The following SNX29 variants were observed in gnomAD, a reference collection of about 807,000 sequenced individuals.
SNX29 encodes sorting nexin-29.
Under a neutral mutation model 102.1 loss-of-function variants are expected in SNX29, and 78 were observed. The observed-to-expected ratio is 0.76, with a 90% CI of 0.64 to 0.92. The LOEUF is 0.92. Ranked by LOEUF, SNX29 falls within the 40% of genes least tolerant of loss-of-function variation. SNX29 has a pLI of 0.00. For missense variants in SNX29, 1,280 were observed against 1,061.7 expected (o/e 1.21, Z -2.86); for synonymous variants, 580 against 414.5 (o/e 1.40, Z -4.85).
At chr16:12,493,830 G>C (rs994994950) in intron 19 of SNX29, among the ~76,000 whole-genome samples, 1 of 152,194 alleles carries the variant, frequency 6.6e-6, no homozygotes, top group Non-Finnish European at 1.5e-5. Flanking sequence ...GACCTCAGAT[G>C]ATCCACCCGC....
At position 12,322,977 on chromosome 16, in the gene SNX29, C is replaced by T. The variant is rs111954179; in HGVS notation, c.1783-33186C>T. 3.4e-3 allele frequency among the ~76,000 whole-genome samples: 221 copies of T among 65,104 alleles called. 1 individual carries two copies. Among genetic ancestry groups the T allele is most frequent in the African/African-American group, 0.013 (108 of 8,140 alleles). The allele number at this position is 65,104 out of a possible 152,430, so 42.7% of individuals were successfully genotyped here. On this transcript the variant is annotated intron_variant, in intron 15 of 20. Coordinates refer to ENST00000566228, the MANE Select transcript of SNX29 (RefSeq NM_032167.5). ...GTCACCGGGGACCACTGTCAGGATG[C>T]GGTCACTGGAGTCACCGGGGACCAC...
intron 1 of SNX29, among the ~76,000 whole-genome samples, chr16:11,997,891 G>C (rs2056144398): frequency 1.3e-5 from 2 of 152,114 alleles, no homozygotes; most frequent in Non-Finnish European, 2.9e-5. Flanking sequence ...ATAAGTCCTG[G>C]GTGGATCAAC....
chr16:12,169,003 A>C (rs1431517996), intron 13 of SNX29, among the ~76,000 whole-genome samples: 1 of 152,178 alleles, frequency 6.6e-6, no homozygotes, highest in African/African-American at 2.4e-5. Context: ...GTTTTCCGTC[A>C]CAGCTGAAGG....
intron 20 of SNX29, among the ~76,000 whole-genome samples, chr16:12,553,620 T>G (rs34102191): frequency 7.3e-6 from 1 of 136,106 alleles, no homozygotes; most frequent in Admixed American, 8.1e-5. Context: ...GATGGAATTT[T>G]GTGCTTGTTG....
At chr16:12,333,445 G>C (rs2081354898) in intron 15 of SNX29, among the ~76,000 whole-genome samples, 1 of 152,086 alleles carries the variant, frequency 6.6e-6, no homozygotes, top group Non-Finnish European at 1.5e-5. Context: ...TGTTGGTAGA[G>C]TTTTCCCTGT....
At chr16:12,529,679 G>C (rs929763533) in intron 20 of SNX29, among the ~76,000 whole-genome samples, 2 of 151,878 alleles carry the variant, frequency 1.3e-5, no homozygotes, top group Non-Finnish European at 2.9e-5. Context: ...CCCCGCCGCC[G>C]CCCCCATTTG....
At chr16:12,539,364 A>C (rs1371762773) in intron 20 of SNX29, among the ~76,000 whole-genome samples, 2 of 151,990 alleles carry the variant, frequency 1.3e-5, no homozygotes, top group African/African-American at 4.8e-5. Context: ...TACTGTAAGC[A>C]ACCTCTTGAG....
chr16:11,988,094 G>A (rs1167548230), intron 1 of SNX29, among the ~76,000 whole-genome samples: 1 of 152,104 alleles, frequency 6.6e-6, no homozygotes, highest in Non-Finnish European at 1.5e-5. Flanking sequence ...AGGAGTTTGA[G>A]ACCAGCCTGA....
chr16:12,477,993 G>T, intron 19 of SNX29, 134 bp downstream of exon 19: 1 of 1,053,398 alleles, frequency 9.5e-7, no homozygotes, highest in Non-Finnish European at 1.3e-6. Flanking sequence ...AAAAAATAGA[G>T]AAAAGAAATA....
At chr16:12,133,435 A>G (rs892466998) in intron 13 of SNX29, among the ~76,000 whole-genome samples, 6 of 151,644 alleles carry the variant, frequency 4.0e-5, no homozygotes, top group African/African-American at 1.5e-4. Context: ...GACTACAGGC[A>G]TGCACCACCA....
chr16:11,978,286 G>C (rs1338181688), intron 1 of SNX29, among the ~76,000 whole-genome samples: 4 of 152,156 alleles, frequency 2.6e-5, no homozygotes, highest in Non-Finnish European at 4.4e-5. Context: ...TTATGAGCTG[G>C]CTTCCCCCAG....
chr16:12,555,435 ACT>A (rs919239744), intron 20 of SNX29, among the ~76,000 whole-genome samples: 15 of 151,892 alleles, frequency 9.9e-5, no homozygotes, highest in Admixed American at 8.5e-4. Context: ...TGTAGGAGAC[ACT>A]CATGTACGCA....
intron 20 of SNX29, 151 bp from the exon 21 acceptor site, chr16:12,568,355 T>C: frequency 9.6e-7 from 1 of 1,045,342 alleles, no homozygotes; most frequent in Non-Finnish European, 1.4e-6. Flanking sequence ...TTCTCATTTC[T>C]TCAGGTGGCA....
At chr16:12,111,287 T>C (rs2053492071) in intron 11 of SNX29, among the ~76,000 whole-genome samples, 1 of 152,200 alleles carries the variant, frequency 6.6e-6, no homozygotes, top group Non-Finnish European at 1.5e-5. Context: ...AGCACCCTGC[T>C]GTGGCCTCGT....
At chr16:12,410,450 A>T (rs2084354162) in intron 18 of SNX29, among the ~76,000 whole-genome samples, 1 of 151,754 alleles carries the variant, frequency 6.6e-6, no homozygotes, top group African/African-American at 2.4e-5. Context: ...AGTGGTTATT[A>T]TTATTACTTT....
intron 13 of SNX29, among the ~76,000 whole-genome samples, chr16:12,177,745 G>C (rs558516234): frequency 6.6e-6 from 1 of 152,236 alleles, no homozygotes; most frequent in African/African-American, 2.4e-5. Context: ...AATGAATTCT[G>C]TATCTGGTGC....
At chr16:12,549,512 A>G (rs2077827762) in intron 20 of SNX29, among the ~76,000 whole-genome samples, 2 of 138,320 alleles carry the variant, frequency 1.4e-5, no homozygotes, top group Non-Finnish European at 3.1e-5. Flanking sequence ...TGTTCATGCC[A>G]TTTTTCATCC....
At chr16:12,070,007 G>C (rs2151303770) in intron 10 of SNX29, among the ~76,000 whole-genome samples, 1 of 152,168 alleles carries the variant, frequency 6.6e-6, no homozygotes, top group East Asian at 1.9e-4. Context: ...GTTGATATTT[G>C]ATAACAAGAT....
rs186210715 is a variant in SNX29, at chr16:12,152,548, C to G, written c.1595+22790C>G. Among the ~76,000 whole-genome samples the G allele has an allele frequency of 1.9e-3, 294 of 152,282 alleles. 2 individuals are homozygous for G. The highest frequency in any genetic ancestry group is 3.4e-3 in the Middle Eastern group (1 of 294). On this transcript the variant is annotated intron_variant, in intron 13 of 20. Transcript: ENST00000566228. ...CGCGTTGCTTTCCTTCTCTGAACCC[C>G]AGATTCACCCATCAAATGGGGCAAA... is the stretch of plus-strand genomic sequence containing the variant.
Sources: gnomAD v4.1 joint callset for allele counts (sites outside exome capture counted in the v4.1 genomes callset) on GRCh38, gnomAD v4.1.1 for gene constraint, MANE v1.5 for transcripts, NCBI Gene and HGNC (gene_info 2026-07-23, HGNC 2026-07-21) for gene names.